The following CABLES1 variants were observed in gnomAD, a reference collection of about 807,000 sequenced individuals.
CABLES1 encodes CDK5 and ABL1 enzyme substrate 1.
CABLES1 carries 36 observed loss-of-function variants against 57.8 expected under a neutral mutation model. That is an observed-to-expected ratio of 0.62 (90% CI 0.48 to 0.82). The LOEUF (loss-of-function observed/expected upper bound fraction) is 0.82, where lower values mean the gene tolerates loss of function less well. CABLES1 is among the 40% of genes least tolerant of loss of function. The pLI is 0.00. For synonymous variants in CABLES1, 374 were observed against 363.0 expected (o/e 1.03, Z -0.35); for missense variants, 767 against 836.6 (o/e 0.92, Z 1.03).
intron 1 of CABLES1, among the ~76,000 whole-genome samples, chr18:23,151,594 G>A (rs143231255): frequency 6.6e-6 from 1 of 152,208 alleles, no homozygotes; most frequent in African/African-American, 2.4e-5. Flanking sequence ...ACCGACAGAT[G>A]GAAGACTGCA....
chr18:23,252,729 C>T (rs2145134170), intron 7 of CABLES1, among the ~76,000 whole-genome samples: 1 of 152,294 alleles, frequency 6.6e-6, no homozygotes, highest in South Asian at 2.1e-4. Context: ...TACAGGCCGG[C>T]TTTCCTAAGT....
At chr18:23,238,100 G>A (rs2047650535) in intron 7 of CABLES1, among the ~76,000 whole-genome samples, 1 of 152,234 alleles carries the variant, frequency 6.6e-6, no homozygotes, top group African/African-American at 2.4e-5. Flanking sequence ...TTCCTCCTCT[G>A]GTTCCCTCCC....
rs1000176707 is a variant in CABLES1 at position 23,237,369 on chromosome 18, G to C, written c.1446+124G>C. The stretch of plus-strand genomic sequence containing the variant: ...GGGGACCTTCATGAGGAGCTCCCCG[G>C]TGTGGGTGCCCACGGAAGGACCAGT... On this transcript the variant is annotated intron_variant, in intron 7 of 9. Transcript: ENST00000256925. 3.2e-5 allele frequency: 23 copies of C among 724,204 alleles called. No homozygotes were observed. The Admixed American group carries it at 4.4e-4, about 14-fold the overall frequency. 44.9% of individuals were successfully genotyped at this position (724,204 alleles called of 1,614,324 possible).
At chr18:23,213,481 T>A (rs1022781580) in intron 3 of CABLES1, among the ~76,000 whole-genome samples, 1 of 152,240 alleles carries the variant, frequency 6.6e-6, no homozygotes, top group Admixed American at 6.5e-5. Context: ...GTTCCCTTAA[T>A]CTATTCTCAG....
intron 2 of CABLES1, chr18:23,189,201 C>T (rs1424085472): frequency 8.7e-6 from 3 of 345,742 alleles, no homozygotes; most frequent in East Asian, 1.4e-4. Flanking sequence ...AACAAGAGCC[C>T]AGCATTGTCC....
At chr18:23,237,120 G>T in intron 6 of CABLES1, 22 bp from the exon 7 acceptor site, 3 of 1,405,272 alleles carry the variant, frequency 2.1e-6, no homozygotes, top group Non-Finnish European at 2.0e-6. Flanking sequence ...TTATCATTTT[G>T]CATTTTGCAT....
intron 1 of CABLES1, among the ~76,000 whole-genome samples, chr18:23,142,643 T>A (rs988368602): frequency 3.9e-5 from 6 of 152,184 alleles, no homozygotes; most frequent in Admixed American, 2.0e-4. Context: ...CAACAAACAT[T>A]GAACACAATG....
chr18:23,251,520 G>T (rs547266690), intron 7 of CABLES1, among the ~76,000 whole-genome samples: 1 of 152,134 alleles, frequency 6.6e-6, no homozygotes, highest in African/African-American at 2.4e-5. Context: ...GTATACTCTC[G>T]AGGAGGGATG....
chr18:23,243,468 G>GTTTTTTTTTTTTTTTTT (rs551293348), intron 7 of CABLES1, among the ~76,000 whole-genome samples: 1 of 101,876 alleles, frequency 9.8e-6, no homozygotes, highest in African/African-American at 3.6e-5. Context: ...TGGGTTTGGT[G>GTTTTTTTTTTTTTTTTT]TTTTTTTTTT....
intron 4 of CABLES1, among the ~76,000 whole-genome samples, chr18:23,227,646 T>C: frequency 6.6e-6 from 1 of 152,166 alleles, no homozygotes; most frequent in Non-Finnish European, 1.5e-5. Context: ...TGGTCCAAGA[T>C]GGCAGCTGCA....
chr18:23,149,310 G>A (rs2046912082), intron 1 of CABLES1, among the ~76,000 whole-genome samples: 1 of 151,842 alleles, frequency 6.6e-6, no homozygotes, highest in South Asian at 2.1e-4. Context: ...TTGAGATGGA[G>A]TCTCGCTGTT....
chr18:23,188,826 T>A lies in CABLES1; in HGVS notation c.846-12T>A. The A allele has an allele frequency of 2.5e-6, 4 of 1,611,652 alleles. No homozygotes were observed. The highest frequency in any genetic ancestry group is 2.5e-6 in the Non-Finnish European group (3 of 1,177,704). On this transcript the variant is annotated splice_polypyrimidine_tract_variant and intron_variant, in intron 1 of 9. Coordinates refer to ENST00000256925, the MANE Select transcript of CABLES1 (RefSeq NM_001100619.3). ...CAGTTTTAACTCCCAGATTTTTTCC[T>A]TCTTTCTGCAGACGGCGCCTCATCT...
At chr18:23,151,834 C>T (rs2046932853) in intron 1 of CABLES1, among the ~76,000 whole-genome samples, 1 of 152,108 alleles carries the variant, frequency 6.6e-6, no homozygotes, top group African/African-American at 2.4e-5. Context: ...CTCATGCAGG[C>T]AGGAGGAGCA....
chr18:23,230,006 G>T (rs750282269), intron 4 of CABLES1, among the ~76,000 whole-genome samples: 74 of 152,160 alleles, frequency 4.9e-4, no homozygotes, highest in South Asian at 2.1e-4. Flanking sequence ...GAATGAACCC[G>T]GAAAAGTTTG....
chr18:23,176,313 C>G lies in CABLES1; in HGVS notation c.846-12525C>G, dbSNP rs201304816. 2.6e-4 allele frequency among the ~76,000 whole-genome samples: 39 copies of G among 152,214 alleles called. No individual in the cohort carries two copies. The East Asian group carries it at 6.2e-3, about 24-fold the overall frequency. ...TTAAAAGGAGTGTGCAACCTAGATC[C>G]CTCGAGTGCACAGTTCACAATAGGC... On this transcript the variant is annotated intron_variant, in intron 1 of 9. Transcript: ENST00000256925.
chr18:23,243,050 A>G (rs1354898733), intron 7 of CABLES1, among the ~76,000 whole-genome samples: 3 of 150,242 alleles, frequency 2.0e-5, no homozygotes, highest in Non-Finnish European at 4.4e-5. Flanking sequence ...ATAATTTAAT[A>G]ACATACTCAT....
intron 2 of CABLES1, among the ~76,000 whole-genome samples, chr18:23,192,101 G>T (rs1381418655): frequency 6.6e-6 from 1 of 152,174 alleles, no homozygotes; most frequent in East Asian, 1.9e-4. Flanking sequence ...TGGATTTCCT[G>T]TATCTACCTG....
chr18:23,181,526 A>C (rs968189095), intron 1 of CABLES1, among the ~76,000 whole-genome samples: 17 of 148,098 alleles, frequency 1.1e-4, no homozygotes, highest in African/African-American at 4.3e-4. Flanking sequence ...AAAAAAAAAA[A>C]AGATGCCCAC....
At chr18:23,164,983 G>C (rs1369293562) in intron 1 of CABLES1, among the ~76,000 whole-genome samples, 2 of 151,290 alleles carry the variant, frequency 1.3e-5, no homozygotes, top group Non-Finnish European at 2.9e-5. Flanking sequence ...ATGCTGGCCA[G>C]GCTGGTCTCG....
Sources: gnomAD v4.1 joint callset for allele counts (sites outside exome capture counted in the v4.1 genomes callset) on GRCh38, gnomAD v4.1.1 for gene constraint, MANE v1.5 for transcripts, NCBI Gene and HGNC (gene_info 2026-07-23, HGNC 2026-07-21) for gene names.